Variants in DCC observed in about 807,000 individuals in gnomAD.
The protein encoded by DCC is DCC netrin 1 receptor, also known as netrin receptor DCC.
Under a neutral mutation model 172.5 loss-of-function variants are expected in DCC, and 58 were observed. The observed-to-expected ratio is 0.34, with a 90% CI of 0.27 to 0.42. The LOEUF is 0.42. Ranked by LOEUF, DCC falls within the 10% of genes least tolerant of loss-of-function variation. DCC has a pLI of 1.00. For missense variants in DCC, 1,740 were observed against 1,791.0 expected, an observed-to-expected ratio of 0.97 and a Z score of 0.51; for synonymous variants, 709 against 644.5, an observed-to-expected ratio of 1.10 and a Z score of -1.52.
intron 5 of DCC, among the ~76,000 whole-genome samples, chr18:53,055,484 C>T (rs1285947227): frequency 6.6e-6 from 1 of 152,038 alleles, no homozygotes; most frequent in East Asian, 1.9e-4. Flanking sequence ...GAATGAAATC[C>T]ATACCTTGAA....
At chr18:53,091,838 TCTATCTATCTATCA>T (rs1351136398) in intron 7 of DCC, among the ~76,000 whole-genome samples, 21 of 74,384 alleles carry the variant, frequency 2.8e-4, no homozygotes, top group African/African-American at 1.4e-3. Flanking sequence ...TATCTATCTA[TCTATCTATCTATCA>T]ATCTATCTAT....
At chr18:52,947,996 T>C (rs2040575681) in intron 5 of DCC, among the ~76,000 whole-genome samples, 1 of 152,114 alleles carries the variant, frequency 6.6e-6, no homozygotes, top group Non-Finnish European at 1.5e-5. Context: ...CATCTAACCA[T>C]TTAAAAAATA....
In DCC at chr18:53,288,889, G is replaced by T. The variant is rs554068306; in HGVS notation, c.1912-16689G>T. On this transcript the variant is annotated intron_variant, in intron 12 of 28. Coordinates refer to ENST00000442544, the MANE Select transcript of DCC (RefSeq NM_005215.4). ...CAGTAGATCAGAATTGACCTGACTGGCTGTTGAATGAGTCTGTGATTTTTA... is the reference window on the plus strand; with the variant it reads ...CAGTAGATCAGAATTGACCTGACTGTCTGTTGAATGAGTCTGTGATTTTTA... Among the ~76,000 whole-genome samples the T allele has an allele frequency of 5.7e-4, 86 of 152,206 alleles. No individual in the cohort carries two copies. In the South Asian group the frequency reaches 0.012, roughly 21 times the overall value.
At chr18:53,399,224 G>A (rs1352575188) in intron 18 of DCC, among the ~76,000 whole-genome samples, 1 of 152,064 alleles carries the variant, frequency 6.6e-6, no homozygotes, top group Non-Finnish European at 1.5e-5. Flanking sequence ...GGAACTGTTG[G>A]TTTATCCCTT....
At chr18:52,599,574 G>A (rs1256852861) in intron 1 of DCC, among the ~76,000 whole-genome samples, 2 of 151,774 alleles carry the variant, frequency 1.3e-5, no homozygotes, top group East Asian at 3.9e-4. Flanking sequence ...GAGTGCAATG[G>A]CGCAATCTCT....
At chr18:52,682,800 A>G (rs1303010509) in intron 1 of DCC, among the ~76,000 whole-genome samples, 1 of 152,064 alleles carries the variant, frequency 6.6e-6, no homozygotes, top group East Asian at 1.9e-4. Context: ...TTGGTAGGAT[A>G]AGGTGGTGTG....
At chr18:53,163,587 C>A (rs1347905310) in intron 8 of DCC, among the ~76,000 whole-genome samples, 1 of 152,172 alleles carries the variant, frequency 6.6e-6, no homozygotes, top group Non-Finnish European at 1.5e-5. Flanking sequence ...CATCACGAAT[C>A]TTTCTGACTT....
At chr18:52,388,793 C>T (rs574667620) in intron 1 of DCC, among the ~76,000 whole-genome samples, 7 of 152,142 alleles carry the variant, frequency 4.6e-5, no homozygotes, top group Admixed American at 1.3e-4. Context: ...ATGAGTTTTC[C>T]AGGCATGGTC....
intron 7 of DCC, among the ~76,000 whole-genome samples, chr18:53,092,608 G>C (rs967394179): frequency 2.6e-5 from 4 of 152,130 alleles, no homozygotes; most frequent in African/African-American, 9.7e-5. Flanking sequence ...TGTTCTATGA[G>C]CCTGTTAGAA....
chr18:52,710,114 T>A (rs1056981371), intron 1 of DCC, among the ~76,000 whole-genome samples: 11 of 152,200 alleles, frequency 7.2e-5, no homozygotes, highest in African/African-American at 2.7e-4. Context: ...TCATTAGAGA[T>A]ATGTGTAAGG....
At position 53,386,085 on chromosome 18, in the gene DCC, A is replaced by G. The variant is rs1165355345; in HGVS notation, c.2402A>G (p.Asn801Ser). The G allele has an allele frequency of 1.2e-6, 2 of 1,613,476 alleles. No homozygotes were observed. The highest frequency in any genetic ancestry group is 1.3e-5 in the African/African-American group (1 of 74,936). ...HYVISLKAFNNAGEGVPLYES... is the reference protein window; with the variant it reads ...HYVISLKAFNSAGEGVPLYES... ...GTAATCTCCCTAAAAGCTTTTAACA[A>G]TGCCGGAGAAGGAGTTCCTCTTTAT... Residue 801 changes from asparagine (N) to serine (S), a missense_variant, in exon 16 of 29, where the codon AAT becomes AGT. Physicochemically the swap from Asn to Ser is conservative, Grantham distance 46 (BLOSUM62 1). This residue lies in a region of DCC where 1,732 missense variants were observed against 1,767.4 expected (regional missense o/e 0.98). Coordinates refer to ENST00000442544, the MANE Select transcript of DCC (RefSeq NM_005215.4).
chr18:52,795,348 C>T (rs2037853935), intron 2 of DCC, among the ~76,000 whole-genome samples: 1 of 151,862 alleles, frequency 6.6e-6, no homozygotes, highest in Admixed American at 6.6e-5. Context: ...CTAGATCAGT[C>T]TTAGTAGGTT....
At chr18:52,447,240 G>T (rs1988154851) in intron 1 of DCC, among the ~76,000 whole-genome samples, 1 of 152,188 alleles carries the variant, frequency 6.6e-6, no homozygotes, top group African/African-American at 2.4e-5. Flanking sequence ...CTAACCATTT[G>T]ATATGGTTAT....
intron 25 of DCC, among the ~76,000 whole-genome samples, chr18:53,473,314 A>C (rs2045721107): frequency 6.6e-6 from 1 of 152,172 alleles, no homozygotes; most frequent in African/African-American, 2.4e-5. Flanking sequence ...CACACATTTT[A>C]TTGTTTAATA....
chr18:52,558,106 C>T (rs2032956317), intron 1 of DCC, among the ~76,000 whole-genome samples: 1 of 151,846 alleles, frequency 6.6e-6, no homozygotes, highest in Non-Finnish European at 1.5e-5. Flanking sequence ...TAATAATTAG[C>T]ATTTGAATGA....
intron 27 of DCC, among the ~76,000 whole-genome samples, chr18:53,522,138 C>T (rs1394280377): frequency 6.6e-6 from 1 of 152,100 alleles, no homozygotes; most frequent in Non-Finnish European, 1.5e-5. Flanking sequence ...TTTATGCCTT[C>T]ACTTAAATAA....
intron 19 of DCC, among the ~76,000 whole-genome samples, chr18:53,404,048 T>G (rs1599112030): frequency 1.3e-5 from 2 of 152,328 alleles, no homozygotes; most frequent in East Asian, 1.9e-4. Flanking sequence ...CTTTTAAAAC[T>G]GAGACTGGCT....
chr18:52,639,548 A>G (rs1337750390), intron 1 of DCC, among the ~76,000 whole-genome samples: 2 of 152,152 alleles, frequency 1.3e-5, no homozygotes, highest in African/African-American at 4.8e-5. Flanking sequence ...CACATAAACT[A>G]GAAAACCTAA....
chr18:52,432,832 C>T (rs1987669705), intron 1 of DCC, among the ~76,000 whole-genome samples: 1 of 152,118 alleles, frequency 6.6e-6, no homozygotes, highest in East Asian at 1.9e-4. Context: ...GCCGCCTGAG[C>T]TCACCTGTGG....
Sources: gnomAD v4.1 joint callset for allele counts (sites outside exome capture counted in the v4.1 genomes callset) on GRCh38, gnomAD v4.1.1 for gene constraint, gnomAD v4.1.1 regional missense constraint, MANE v1.5 for transcripts, NCBI Gene and HGNC (gene_info 2026-07-23, HGNC 2026-07-21) for gene names.